Variants in AKR1B10 observed in about 807,000 individuals in gnomAD.
The protein encoded by AKR1B10 is ARP.
A neutral mutation model predicts 38.9 loss-of-function variants in AKR1B10; 39 were observed. The observed-to-expected ratio is 1.00, with a 90% CI of 0.78 to 1.31. The LOEUF is 1.31. Ranked by LOEUF, AKR1B10 falls within the 50% of genes most tolerant of loss-of-function variation. The pLI is 0.00. For missense variants in AKR1B10, 361 were observed against 382.6 expected (o/e 0.94, Z 0.47); for synonymous variants, 148 against 141.2 (o/e 1.05, Z -0.34).
intron 1 of AKR1B10, among the ~76,000 whole-genome samples, chr7:134,528,847 G>T (rs185593004): frequency 6.6e-6 from 1 of 152,284 alleles, no homozygotes; most frequent in East Asian, 1.9e-4. Flanking sequence ...TCCCTACGTG[G>T]TTCCTGTACA....
At chr7:134,529,662 T>C (rs375855381) in intron 1 of AKR1B10, among the ~76,000 whole-genome samples, 11 of 152,314 alleles carry the variant, frequency 7.2e-5, no homozygotes, top group East Asian at 1.9e-4. Flanking sequence ...TATCTCACAA[T>C]TGAAGAGGTT....
At position 134,538,285 on chromosome 7, in the gene AKR1B10, T is replaced by A; in HGVS notation, c.825+8T>A. 6.2e-7 allele frequency: 1 copy of A among 1,613,380 alleles called. No homozygotes were observed. The highest frequency in any genetic ancestry group is 1.1e-5 in the South Asian group (1 of 90,964). On this transcript the variant is annotated splice_region_variant and intron_variant, in intron 8 of 9. Coordinates refer to ENST00000359579, the MANE Select transcript of AKR1B10 (RefSeq NM_020299.5). ...ATTGTTGAGAACATTCAGGTAAGTTTCCGGCTGGTCGGCCCTGGTATTCCT... is the reference window on the plus strand; with the variant it reads ...ATTGTTGAGAACATTCAGGTAAGTTACCGGCTGGTCGGCCCTGGTATTCCT...
At chr7:134,535,195 C>T (rs1283326940) in intron 4 of AKR1B10, among the ~76,000 whole-genome samples, 2 of 152,134 alleles carry the variant, frequency 1.3e-5, no homozygotes, top group South Asian at 4.1e-4. Flanking sequence ...CCAGGATGGT[C>T]TCCAACACCT....
chr7:134,533,163 A>G lies in AKR1B10; in HGVS notation c.429+82A>G, dbSNP rs528900642. 22 of 1,065,024 alleles carry G rather than the reference A, an allele frequency of 2.1e-5. No individual in the cohort carries two copies. The African/African-American group carries it at 3.5e-4, about 17-fold the overall frequency. The allele number at this position is 1,065,024 out of a possible 1,614,324, so 66.0% of individuals were successfully genotyped here. A position where few individuals can be genotyped will look rare whatever the true frequency, so the allele number is the denominator to read the frequency against. On this transcript the variant is annotated intron_variant, in intron 4 of 9. Coordinates refer to ENST00000359579, the MANE Select transcript of AKR1B10 (RefSeq NM_020299.5). The stretch of plus-strand genomic sequence containing the variant: ...GATTCGCATGGATATGAATGAGGCC[A>G]TGTGCCTGATGCTTTCTAATTTCAT...
chr7:134,530,134 A>G (rs1353423870), intron 1 of AKR1B10, among the ~76,000 whole-genome samples: 1 of 152,098 alleles, frequency 6.6e-6, no homozygotes, highest in Non-Finnish European at 1.5e-5. Context: ...TGGTGTAATG[A>G]CCATTATCCA....
At chr7:134,538,361 G>T (rs543193073) in intron 8 of AKR1B10, 84 bp downstream of exon 8, 10 of 1,343,304 alleles carry the variant, frequency 7.4e-6, no homozygotes, top group African/African-American at 1.5e-5. Context: ...TCACCTCATC[G>T]CTGCATTGTC....
chr7:134,539,483 G>A (rs1048004818), intron 9 of AKR1B10, among the ~76,000 whole-genome samples: 6 of 152,164 alleles, frequency 3.9e-5, no homozygotes, highest in African/African-American at 1.4e-4. Context: ...AGGGCAAAGT[G>A]GATAGGAAGC....
chr7:134,533,047 T>C lies in AKR1B10; in HGVS notation c.395T>C (p.Ile132Thr), dbSNP rs751722171. Reference protein sequence around the residue: ...LFPKDDKGNAIGGKATFLDAW... With the variant: ...LFPKDDKGNATGGKATFLDAW... ...CCCAAAGATGATAAAGGTAATGCCA[T>C]CGGTGGAAAAGCAACGTTCTTGGAT... is the stretch of plus-strand genomic sequence containing the variant. Residue 132 changes from isoleucine (I) to threonine (T), a missense_variant, in exon 4 of 10, where the codon ATC becomes ACC. By Grantham distance (89) the Ile-to-Thr change is moderately conservative. Coordinates refer to ENST00000359579, the MANE Select transcript of AKR1B10 (RefSeq NM_020299.5). 8 of 1,600,146 alleles carry C rather than the reference T, an allele frequency of 5.0e-6. No individual in the cohort carries two copies. The highest frequency in any genetic ancestry group is 6.8e-6 in the Non-Finnish European group (8 of 1,175,120).
intron 9 of AKR1B10, among the ~76,000 whole-genome samples, chr7:134,539,746 A>G (rs1248522312): frequency 1.3e-5 from 2 of 152,152 alleles, no homozygotes; most frequent in Non-Finnish European, 2.9e-5. Flanking sequence ...AGTGGTGAAA[A>G]AAAGCTTTCA....
At position 134,530,333 on chromosome 7, in the gene AKR1B10, C is replaced by T. The variant is rs58755115; in HGVS notation, c.67-310C>T. 3.3e-4 allele frequency among the ~76,000 whole-genome samples: 50 copies of T among 152,272 alleles called. No homozygotes were observed. In the East Asian group the frequency reaches 7.9e-3, roughly 24 times the overall value. ...CTAGGATAGGACATAAGGACATAAT[C>T]ATAAAATAATTCACTTTCCTTCTTT... On this transcript the variant is annotated intron_variant, in intron 1 of 9. Transcript: ENST00000359579.
intron 4 of AKR1B10, among the ~76,000 whole-genome samples, chr7:134,533,462 A>G (rs1807920172): frequency 6.6e-6 from 1 of 152,208 alleles, no homozygotes; most frequent in Non-Finnish European, 1.5e-5. Flanking sequence ...AAGAAGTTGT[A>G]TAATACATAC....
intron 4 of AKR1B10, among the ~76,000 whole-genome samples, chr7:134,534,062 A>G (rs1807935126): frequency 6.6e-6 from 1 of 152,176 alleles, no homozygotes; most frequent in Non-Finnish European, 1.5e-5. Context: ...ACATGATTCA[A>G]TGAAATGTAG....
rs188398810 is a variant in AKR1B10 at position 134,535,108 on chromosome 7, G to T, written c.430-1542G>T. On this transcript the variant is annotated intron_variant, in intron 4 of 9. Coordinates refer to ENST00000359579, the MANE Select transcript of AKR1B10 (RefSeq NM_020299.5). ...CTGAAGCAATCCTCCCAAGTAGCTG[G>T]AATCAAAGGCACATGCCGCCACATC... 1.8e-3 allele frequency among the ~76,000 whole-genome samples: 275 copies of T among 152,158 alleles called. 1 individual carries two copies. Among genetic ancestry groups the T allele is most frequent in the African/African-American group, 6.0e-3 (249 of 41,504 alleles).
chr7:134,539,810 T>C (rs559809196), intron 9 of AKR1B10, among the ~76,000 whole-genome samples: 1 of 152,346 alleles, frequency 6.6e-6, no homozygotes, highest in East Asian at 1.9e-4. Flanking sequence ...ACTTTCTGAA[T>C]AATGTATCTA....
Position 134,530,738 on chromosome 7 carries a change from A to G in AKR1B10, c.162A>G (p.Glu54=), listed in dbSNP as rs2117537293. ...CCTATGTCTATCAGAATGAACATGA[A>G]GTGGGGGAAGCCATCCAAGAGAAGA... ...DCAYVYQNEH[E]VGEAIQEKIQ... The change falls in exon 2 of 10, where the codon GAA becomes GAG. Residue 54 remains glutamate, a synonymous_variant. Coordinates refer to ENST00000359579, the MANE Select transcript of AKR1B10 (RefSeq NM_020299.5). 1.2e-6 allele frequency: 2 copies of G among 1,614,042 alleles called. No individual in the cohort carries two copies. Among genetic ancestry groups the G allele is most frequent in the Non-Finnish European group, 1.7e-6 (2 of 1,179,944 alleles).
rs1195133335 is a variant in AKR1B10 at position 134,527,865 on chromosome 7, G to A, written c.-47G>A. 6.2e-7 allele frequency: 1 copy of A among 1,611,790 alleles called. No homozygotes were observed. Among genetic ancestry groups the A allele is most frequent in the Non-Finnish European group, 8.5e-7 (1 of 1,179,688 alleles). On this transcript the variant is annotated 5_prime_UTR_variant, in exon 1 of 10. Coordinates refer to ENST00000359579, the MANE Select transcript of AKR1B10 (RefSeq NM_020299.5). ...TCTCAAAAACAGCAACAGAGAGCAG[G>A]ACGTGAGACTTCTACCTGCTCACTC...
chr7:134,535,585 C>CCTTTTTT (rs1554396831), intron 4 of AKR1B10: 13 of 410,554 alleles, frequency 3.2e-5, no homozygotes, highest in Admixed American at 1.2e-4. Context: ...TCTTTTCTGT[C>CCTTTTTT]TTTTTTTTTT....
chr7:134,528,002 C>G, intron 1 of AKR1B10, 25 bp downstream of exon 1: 2 of 1,612,678 alleles, frequency 1.2e-6, no homozygotes, highest in Admixed American at 1.7e-5. Flanking sequence ...CTTTGCACAC[C>G]CTTCTTCTCT....
At position 134,530,600 on chromosome 7, in the gene AKR1B10, T is replaced by TA. The variant is rs200199766; in HGVS notation, c.67-35dup. 3,900 of 1,607,370 alleles carry TA rather than the reference T, an allele frequency of 2.4e-3. 77 individuals carry two copies. The African/African-American group carries it at 0.041, about 17-fold the overall frequency. On this transcript the variant is annotated intron_variant, in intron 1 of 9. Transcript: ENST00000359579. The stretch of plus-strand genomic sequence containing the variant: ...GGCAACACGGCAGGGCCCCATCTCT[T>TA]AAAAAAAACACATATGTGATGAGCT...
Sources: gnomAD v4.1 joint callset for allele counts (sites outside exome capture counted in the v4.1 genomes callset) on GRCh38, gnomAD v4.1.1 for gene constraint, MANE v1.5 for transcripts, NCBI Gene and HGNC (gene_info 2026-07-23, HGNC 2026-07-21) for gene names.